The following TASP1 variants were observed in gnomAD, a reference collection of about 807,000 sequenced individuals.
The protein encoded by TASP1 is taspase 1.
In TASP1, 16 loss-of-function variants were observed where a neutral mutation model predicts 56.6. The observed-to-expected ratio is 0.28, with a 90% confidence interval of 0.19 to 0.43. The LOEUF is 0.43. Ranked by LOEUF, TASP1 falls within the 20% of genes least tolerant of loss-of-function variation. TASP1 has a pLI of 1.00. For synonymous variants in TASP1, 179 were observed against 184.2 expected, an observed-to-expected ratio of 0.97 and a Z score of 0.23; for missense variants, 393 against 511.6, an observed-to-expected ratio of 0.77 and a Z score of 2.24.
chr20:13,514,199 T>C (rs888727044), intron 10 of TASP1, among the ~76,000 whole-genome samples: 6 of 152,114 alleles, frequency 3.9e-5, no homozygotes, highest in Admixed American at 1.3e-4. Context: ...AGATTTCAAT[T>C]GGGAGCCTAT....
intron 4 of TASP1, among the ~76,000 whole-genome samples, chr20:13,590,036 A>G (rs1458560985): frequency 1.3e-5 from 2 of 152,098 alleles, no homozygotes; most frequent in Non-Finnish European, 2.9e-5. Flanking sequence ...CTTCAAAACA[A>G]GCCTGGCCAA....
the TASP1 span, among the ~76,000 whole-genome samples, chr20:13,220,473 A>C: frequency 6.6e-6 from 1 of 152,156 alleles, no homozygotes; most frequent in African/African-American, 2.4e-5. Flanking sequence ...CCAGCCCCCA[A>C]ATCCCCTCTG....
chr20:13,448,626 T>C (rs907132485), intron 11 of TASP1, among the ~76,000 whole-genome samples: 1 of 152,086 alleles, frequency 6.6e-6, no homozygotes, highest in Non-Finnish European at 1.5e-5. Flanking sequence ...TACCCTAAAA[T>C]AAAATACGCA....
intron 8 of TASP1, among the ~76,000 whole-genome samples, chr20:13,546,993 T>C (rs745967749): frequency 5.9e-5 from 9 of 152,214 alleles, no homozygotes; most frequent in Non-Finnish European, 1.0e-4. Flanking sequence ...TTTAAACCTA[T>C]TGGAAGACTG....
intron 8 of TASP1, among the ~76,000 whole-genome samples, chr20:13,551,276 T>C (rs1568572445): frequency 6.6e-6 from 1 of 152,204 alleles, no homozygotes; most frequent in Non-Finnish European, 1.5e-5. Context: ...AAATGTCTGA[T>C]TAACTTTCAT....
chr20:13,160,017 A>C, the TASP1 span: 2 of 1,612,548 alleles, frequency 1.2e-6, no homozygotes, highest in African/African-American at 2.7e-5. Flanking sequence ...TTTGCAAGGC[A>C]TATGCTAGAG....
At chr20:13,518,305 G>C (rs1476309076) in intron 10 of TASP1, among the ~76,000 whole-genome samples, 2 of 152,096 alleles carry the variant, frequency 1.3e-5, no homozygotes, top group Non-Finnish European at 2.9e-5. Flanking sequence ...ACAGGACTAA[G>C]AGCAATGTAT....
intron 1 of TASP1, among the ~76,000 whole-genome samples, chr20:13,635,179 G>T (rs1185234798): frequency 6.6e-6 from 1 of 151,818 alleles, no homozygotes; most frequent in Non-Finnish European, 1.5e-5. Context: ...ATCTTATTAA[G>T]CTGTTCGAAA....
At chr20:13,552,823 G>T (rs1348536945) in intron 8 of TASP1, among the ~76,000 whole-genome samples, 4 of 152,116 alleles carry the variant, frequency 2.6e-5, no homozygotes. Flanking sequence ...GTTTCTAAAT[G>T]CTTTAGTGTA....
At chr20:13,510,791 C>G (rs1234540724) in intron 10 of TASP1, among the ~76,000 whole-genome samples, 1 of 152,184 alleles carries the variant, frequency 6.6e-6, no homozygotes, top group East Asian at 1.9e-4. Flanking sequence ...GTACTCAGCA[C>G]AGTACCTGAC....
intron 8 of TASP1, among the ~76,000 whole-genome samples, chr20:13,538,900 T>A (rs1006171417): frequency 2.0e-5 from 3 of 151,444 alleles, no homozygotes; most frequent in Admixed American, 6.6e-5. Flanking sequence ...AAAAAAAAAA[T>A]TAGCTAGGCA....
chr20:13,250,579 T>C, the TASP1 span, among the ~76,000 whole-genome samples: 1 of 152,194 alleles, frequency 6.6e-6, no homozygotes, highest in African/African-American at 2.4e-5. Context: ...TCCTGGTGCC[T>C]GGACCCTTCC....
intron 10 of TASP1, among the ~76,000 whole-genome samples, chr20:13,514,651 GTC>G (rs1433879846): frequency 1.3e-5 from 2 of 152,116 alleles, no homozygotes; most frequent in African/African-American, 4.8e-5. Flanking sequence ...TTTAGTTGAA[GTC>G]TCTATTTCTT....
At chr20:13,226,166 TTC>T in the TASP1 span, among the ~76,000 whole-genome samples, 1 of 144,242 alleles carries the variant, frequency 6.9e-6, no homozygotes, top group East Asian at 2.0e-4. Context: ...AATGTCTTTG[TTC>T]TCTGTTTCCT....
At chr20:13,601,507 A>G (rs1451931430) in intron 4 of TASP1, among the ~76,000 whole-genome samples, 1 of 152,210 alleles carries the variant, frequency 6.6e-6, no homozygotes, top group African/African-American at 2.4e-5. Flanking sequence ...GTCCATACTG[A>G]TATAAATTCA....
chr20:13,399,500 T>C (rs781236459), intron 13 of TASP1, among the ~76,000 whole-genome samples: 4 of 152,178 alleles, frequency 2.6e-5, no homozygotes, highest in Non-Finnish European at 5.9e-5. Context: ...GCAATTCTAT[T>C]CTTCTGTTTA....
At chr20:13,436,615 C>G (rs926616438) in intron 11 of TASP1, among the ~76,000 whole-genome samples, 9 of 152,034 alleles carry the variant, frequency 5.9e-5, no homozygotes, top group African/African-American at 2.2e-4. Context: ...TAGCCCAGGG[C>G]AGGAAAGAGG....
the TASP1 span, chr20:13,292,295 T>G: frequency 2.3e-6 from 2 of 854,106 alleles, no homozygotes; most frequent in Non-Finnish European, 3.8e-6. Context: ...TTCAGGTGTA[T>G]TTATTTTTTT....
At chr20:13,370,791 T>C in the TASP1 span, among the ~76,000 whole-genome samples, 1 of 152,168 alleles carries the variant, frequency 6.6e-6, no homozygotes, top group Non-Finnish European at 1.5e-5. Context: ...TGTAACCATC[T>C]AGTACTAGGC....
Sources: gnomAD v4.1 joint callset for allele counts (sites outside exome capture counted in the v4.1 genomes callset) on GRCh38, gnomAD v4.1.1 for gene constraint, MANE v1.5 for transcripts, NCBI Gene and HGNC (gene_info 2026-07-23, HGNC 2026-07-21) for gene names.